Variants in THSD7B observed in about 807,000 individuals in gnomAD.
THSD7B encodes the protein thrombospondin type-1 domain-containing protein 7B.
THSD7B carries 138 observed loss-of-function variants against 213.6 expected under a neutral mutation model. The observed-to-expected ratio is 0.65, with a 90% confidence interval of 0.56 to 0.74. The LOEUF is 0.74. Among genes scored for constraint, THSD7B ranks in the 30% least tolerant of loss-of-function variants. THSD7B has a pLI of 0.00. For synonymous variants in THSD7B, 742 were observed against 687.0 expected (o/e 1.08, Z -1.25); for missense variants, 1,931 against 1,991.5 (o/e 0.97, Z 0.58).
chr2:136,980,878 C>T (rs1685565055), intron 2 of THSD7B, among the ~76,000 whole-genome samples: 2 of 152,218 alleles, frequency 1.3e-5, no homozygotes, highest in Non-Finnish European at 2.9e-5. Flanking sequence ...GATCCCCTTG[C>T]TCCATGTGGC....
intron 15 of THSD7B, among the ~76,000 whole-genome samples, chr2:137,504,745 A>G (rs1489311253): frequency 4.6e-5 from 7 of 152,208 alleles, no homozygotes; most frequent in Admixed American, 4.6e-4. Context: ...ATGAGGCGAT[A>G]TCCATATCTA....
intron 2 of THSD7B, among the ~76,000 whole-genome samples, chr2:136,938,067 G>C (rs550418806): frequency 6.6e-6 from 1 of 152,188 alleles, no homozygotes; most frequent in Middle Eastern, 3.4e-3. Context: ...TGAGGTGCAG[G>C]AAGTGGGTGA....
chr2:137,426,595 G>A (rs1487840120), intron 14 of THSD7B, among the ~76,000 whole-genome samples: 1 of 152,096 alleles, frequency 6.6e-6, no homozygotes, highest in Non-Finnish European at 1.5e-5. Flanking sequence ...TTGATAAATG[G>A]TATTGGATAA....
chr2:137,656,727 C>A, intron 22 of THSD7B, 69 bp from the exon 23 acceptor site: 2 of 1,465,406 alleles, frequency 1.4e-6, no homozygotes, highest in Non-Finnish European at 9.2e-7. Context: ...GTGAGCCCTG[C>A]CCATGCAAAT....
rs34604281 is a variant in THSD7B, at chr2:137,605,648, C to CTTTTTTTTTTTTTTTTT, written c.3424-10504_3424-10488dup. Among the ~76,000 whole-genome samples the CTTTTTTTTTTTTTTTTT allele has an allele frequency of 5.8e-5, 4 of 68,972 alleles. 2 individuals are homozygous for CTTTTTTTTTTTTTTTTT. Among genetic ancestry groups the CTTTTTTTTTTTTTTTTT allele is most frequent in the African/African-American group, 2.3e-4 (4 of 17,562 alleles). The allele number at this position is 68,972 out of a possible 152,430, so 45.2% of individuals were successfully genotyped here. ...AAAAAGCATATATTGGCACTTCGCACTTTTTTTTTTTTTTTTTTTTTTTTT... is the reference window on the plus strand; with the variant it reads ...AAAAAGCATATATTGGCACTTCGCACTTTTTTTTTTTTTTTTTTTTTTTTTTTTTTTTTTTTTTTTTT... On this transcript the variant is annotated intron_variant, in intron 17 of 27. Coordinates refer to ENST00000409968, the MANE Select transcript of THSD7B (RefSeq NM_001316349.2).
At chr2:137,622,680 A>G (rs1170994992) in intron 20 of THSD7B, among the ~76,000 whole-genome samples, 1 of 152,228 alleles carries the variant, frequency 6.6e-6, no homozygotes, top group Non-Finnish European at 1.5e-5. Context: ...ACAAACTACC[A>G]TCAGAGAATA....
chr2:137,559,481 C>A (rs183168372), intron 15 of THSD7B, among the ~76,000 whole-genome samples: 14 of 152,080 alleles, frequency 9.2e-5, no homozygotes, highest in Admixed American at 9.2e-4. Flanking sequence ...CCCTATTTAA[C>A]AAGCGGTGCT....
intron 2 of THSD7B, among the ~76,000 whole-genome samples, chr2:136,914,448 G>A (rs529805124): frequency 1.3e-5 from 2 of 152,292 alleles, no homozygotes; most frequent in African/African-American, 4.8e-5. Context: ...ATGAGATTTG[G>A]GAGGGACCAG....
chr2:137,392,833 G>C (rs1047595008), intron 12 of THSD7B, among the ~76,000 whole-genome samples: 1 of 151,952 alleles, frequency 6.6e-6, no homozygotes, highest in Non-Finnish European at 1.5e-5. Context: ...TTTGTCTTTA[G>C]GTGAAATTGT....
chr2:137,364,859 A>T lies in THSD7B; in HGVS notation c.2501-40754A>T, dbSNP rs188266915. 1.6e-4 allele frequency among the ~76,000 whole-genome samples: 25 copies of T among 152,350 alleles called. No homozygotes were observed. The East Asian group carries it at 4.6e-3, about 28-fold the overall frequency. ...CAATGCCATCCCCATCAAGCTGCCAATGACTTTCTTCACAAAATTGGAAAA... is the reference window on the plus strand; with the variant it reads ...CAATGCCATCCCCATCAAGCTGCCATTGACTTTCTTCACAAAATTGGAAAA... On this transcript the variant is annotated intron_variant, in intron 12 of 27. Transcript: ENST00000409968.
chr2:137,073,593 G>C (rs1573804753), intron 3 of THSD7B, among the ~76,000 whole-genome samples: 1 of 152,080 alleles, frequency 6.6e-6, no homozygotes, highest in Non-Finnish European at 1.5e-5. Context: ...CTTCAGTTCT[G>C]CTCTGATGTT....
chr2:136,872,961 T>G (rs1045745779), intron 1 of THSD7B, among the ~76,000 whole-genome samples: 7 of 140,332 alleles, frequency 5.0e-5, no homozygotes, highest in African/African-American at 1.9e-4. Flanking sequence ...GGAGATAGTT[T>G]GCAGTGAGCC....
At chr2:137,656,441 A>G (rs1188843605) in intron 22 of THSD7B, among the ~76,000 whole-genome samples, 5 of 152,134 alleles carry the variant, frequency 3.3e-5, no homozygotes, top group African/African-American at 1.2e-4. Context: ...ATGAACATCC[A>G]TTTTATGATG....
intron 15 of THSD7B, among the ~76,000 whole-genome samples, chr2:137,550,914 C>T (rs552129103): frequency 2.0e-4 from 30 of 152,026 alleles, no homozygotes; most frequent in African/African-American, 6.5e-4. Flanking sequence ...GTAACAAATT[C>T]GTCTGTACAC....
intron 1 of THSD7B, among the ~76,000 whole-genome samples, chr2:136,843,251 CTA>C (rs1362137297): frequency 6.6e-6 from 1 of 152,128 alleles, no homozygotes; most frequent in Admixed American, 6.6e-5. Flanking sequence ...TTATTGGTGT[CTA>C]TTGGGAGAAA....
At chr2:137,051,848 C>T (rs535555756) in intron 2 of THSD7B, among the ~76,000 whole-genome samples, 42 of 152,100 alleles carry the variant, frequency 2.8e-4, no homozygotes, top group African/African-American at 9.4e-4. Context: ...CCTCCTTTTT[C>T]GTTTGTTTCA....
Position 136,821,202 on chromosome 2 carries a change from A to AT in THSD7B, c.-36+55523dup, listed in dbSNP as rs11317033. Reference sequence around the variant, plus strand: ...ACAGAGTCACGTATTTACATGGACTATTTTTTTTCCCAGTAATTTGTATCA... The same window carrying AT: ...ACAGAGTCACGTATTTACATGGACTATTTTTTTTTCCCAGTAATTTGTATCA... On this transcript the variant is annotated intron_variant, in intron 1 of 27. Transcript: ENST00000409968. Among the ~76,000 whole-genome samples, 93 of 151,944 alleles carry AT rather than the reference A, an allele frequency of 6.1e-4. 1 individual carries two copies. The highest frequency in any genetic ancestry group is 2.2e-3 in the African/African-American group (92 of 41,452).
chr2:137,114,200 A>C (rs1688403153), intron 4 of THSD7B, among the ~76,000 whole-genome samples: 2 of 152,216 alleles, frequency 1.3e-5, no homozygotes, highest in Admixed American at 1.3e-4. Context: ...GAAATGGGAC[A>C]GCAGATATGT....
At chr2:136,911,068 C>T (rs1029165671) in intron 2 of THSD7B, among the ~76,000 whole-genome samples, 5 of 152,128 alleles carry the variant, frequency 3.3e-5, no homozygotes, top group East Asian at 1.9e-4. Flanking sequence ...ATGCTTTGTT[C>T]GGTAACTAAT....
Sources: gnomAD v4.1 joint callset for allele counts (sites outside exome capture counted in the v4.1 genomes callset) on GRCh38, gnomAD v4.1.1 for gene constraint, MANE v1.5 for transcripts, NCBI Gene and HGNC (gene_info 2026-07-23, HGNC 2026-07-21) for gene names.